TASP1: variants seen among roughly 807,000 people sequenced by gnomAD.
The protein encoded by TASP1 is threonine aspartase 1.
TASP1 carries 16 observed loss-of-function variants against 56.6 expected under a neutral mutation model. The observed-to-expected ratio is 0.28, with a 90% confidence interval of 0.19 to 0.43. TASP1 has a LOEUF of 0.43. Among genes scored for constraint, TASP1 ranks in the 20% least tolerant of loss-of-function variants. The probability of loss-of-function intolerance (pLI) is 1.00; values close to 1 mark genes in which losing one functional copy is unlikely to be tolerated. For missense variants in TASP1, 393 were observed against 511.6 expected, an observed-to-expected ratio of 0.77 and a Z score of 2.24; for synonymous variants, 179 against 184.2, an observed-to-expected ratio of 0.97 and a Z score of 0.23.
chr20:13,419,056 T>C, intron 12 of TASP1, among the ~76,000 whole-genome samples: 1 of 152,132 alleles, frequency 6.6e-6, no homozygotes, highest in South Asian at 2.1e-4. Context: ...ATGGAAACAA[T>C]TGATAAAGTT....
the TASP1 span, among the ~76,000 whole-genome samples, chr20:13,224,799 G>A: frequency 6.6e-6 from 1 of 151,458 alleles, no homozygotes; most frequent in Non-Finnish European, 1.5e-5. Flanking sequence ...CTTTTATGTG[G>A]CAGGCACTGT....
At chr20:13,382,072 T>A in the TASP1 span, among the ~76,000 whole-genome samples, 2 of 152,066 alleles carry the variant, frequency 1.3e-5, no homozygotes, top group African/African-American at 4.8e-5. Flanking sequence ...TAGGACTTGG[T>A]TGGGAGCTGA....
intron 2 of TASP1, among the ~76,000 whole-genome samples, chr20:13,625,680 A>C (rs1336511229): frequency 1.3e-5 from 2 of 152,230 alleles, no homozygotes; most frequent in African/African-American, 4.8e-5. Flanking sequence ...CATAAGAGTA[A>C]TTCAGAAAGC....
chr20:13,499,687 C>T (rs2043872738), intron 10 of TASP1, among the ~76,000 whole-genome samples: 1 of 151,956 alleles, frequency 6.6e-6, no homozygotes, highest in African/African-American at 2.4e-5. Context: ...AATAAACCAA[C>T]CACCAACCAC....
At chr20:13,469,636 T>G (rs1024217495) in intron 11 of TASP1, among the ~76,000 whole-genome samples, 1 of 152,070 alleles carries the variant, frequency 6.6e-6, no homozygotes, top group Non-Finnish European at 1.5e-5. Flanking sequence ...GCATCCACCA[T>G]GTCAAAGAAG....
At chr20:13,459,622 G>A (rs945112045) in intron 11 of TASP1, among the ~76,000 whole-genome samples, 7 of 152,138 alleles carry the variant, frequency 4.6e-5, no homozygotes, top group African/African-American at 1.7e-4. Flanking sequence ...ACATAGGCAA[G>A]TACTGACCTA....
At chr20:13,317,542 T>C in the TASP1 span, among the ~76,000 whole-genome samples, 1 of 151,914 alleles carries the variant, frequency 6.6e-6, no homozygotes, top group African/African-American at 2.4e-5. Context: ...CTCTAAGACA[T>C]AATATAAAGC....
At chr20:13,194,939 T>A in the TASP1 span, among the ~76,000 whole-genome samples, 1 of 152,002 alleles carries the variant, frequency 6.6e-6, no homozygotes, top group Non-Finnish European at 1.5e-5. Flanking sequence ...AATGCATAGC[T>A]ACATAGAGAG....
chr20:13,607,348 T>G (rs2048194658), intron 4 of TASP1, among the ~76,000 whole-genome samples: 1 of 152,214 alleles, frequency 6.6e-6, no homozygotes, highest in Admixed American at 6.5e-5. Context: ...AAAGTATTAC[T>G]CTTTCACTAT....
At chr20:13,395,884 G>A (rs1181622297) in intron 13 of TASP1, among the ~76,000 whole-genome samples, 2 of 149,460 alleles carry the variant, frequency 1.3e-5, no homozygotes, top group Non-Finnish European at 3.0e-5. Flanking sequence ...TTTTTTTTTA[G>A]TAGAGATGGG....
intron 9 of TASP1, among the ~76,000 whole-genome samples, chr20:13,530,547 C>T (rs1035792461): frequency 1.5e-4 from 23 of 152,320 alleles, no homozygotes; most frequent in African/African-American, 4.6e-4. Context: ...TCATTGAAAA[C>T]TATCATCTTT....
the TASP1 span, among the ~76,000 whole-genome samples, chr20:13,235,238 A>G: frequency 6.6e-6 from 1 of 152,204 alleles, no homozygotes; most frequent in African/African-American, 2.4e-5. Flanking sequence ...TGTGACCAGC[A>G]GGTTACCTGC....
At chr20:13,284,730 T>A in the TASP1 span, among the ~76,000 whole-genome samples, 2 of 152,146 alleles carry the variant, frequency 1.3e-5, no homozygotes, top group African/African-American at 2.4e-5. Context: ...TACTTCTTCC[T>A]AGGAGGCAGT....
At chr20:13,327,170 G>T in the TASP1 span, among the ~76,000 whole-genome samples, 29 of 152,062 alleles carry the variant, frequency 1.9e-4, no homozygotes, top group African/African-American at 6.8e-4. Flanking sequence ...ACAAACAACA[G>T]GCAACCAGAG....
At chr20:13,288,281 C>T in the TASP1 span, among the ~76,000 whole-genome samples, 2 of 152,166 alleles carry the variant, frequency 1.3e-5, no homozygotes, top group Non-Finnish European at 2.9e-5. Flanking sequence ...CAAATGTATG[C>T]ATTCTCAGTA....
chr20:13,576,365 GAA>G (rs1191833104), intron 6 of TASP1, among the ~76,000 whole-genome samples: 1 of 120,320 alleles, frequency 8.3e-6, no homozygotes, highest in Non-Finnish European at 1.8e-5. Flanking sequence ...AAGAAAGAAA[GAA>G]AGAAAGAAAG....
chr20:13,157,132 TAGAA>T, the TASP1 span, among the ~76,000 whole-genome samples: 1 of 152,100 alleles, frequency 6.6e-6, no homozygotes, highest in Non-Finnish European at 1.5e-5. Flanking sequence ...TGCTAAGACT[TAGAA>T]AGGTCAAATT....
chr20:13,566,586 C>T (rs759629541), intron 7 of TASP1, among the ~76,000 whole-genome samples: 1 of 149,298 alleles, frequency 6.7e-6, no homozygotes, highest in Admixed American at 6.7e-5. Context: ...CAAAAGGTTA[C>T]AGTCTGTATG....
chr20:13,131,788 A>G, the TASP1 span, among the ~76,000 whole-genome samples: 1 of 152,076 alleles, frequency 6.6e-6, no homozygotes, highest in Non-Finnish European at 1.5e-5. Flanking sequence ...TATCTTTTTT[A>G]AAAAGGAGAA....
Sources: allele counts gnomAD v4.1 joint callset (sites outside exome capture counted in the v4.1 genomes callset), GRCh38; gene constraint gnomAD v4.1.1; transcripts MANE v1.5; gene names NCBI Gene and HGNC (gene_info 2026-07-23, HGNC 2026-07-21).